ARL13B: variants seen among roughly 807,000 people sequenced by gnomAD.
The protein encoded by ARL13B is ADP-ribosylation factor-like protein 13B.
In ARL13B, 36 loss-of-function variants were observed where a neutral mutation model predicts 56.1. The observed-to-expected ratio is 0.64, with a 90% CI of 0.49 to 0.85. The LOEUF is 0.85. Ranked by LOEUF, ARL13B falls within the 40% of genes least tolerant of loss-of-function variation. ARL13B has a pLI of 0.00. For missense variants in ARL13B, 519 were observed against 507.1 expected, an observed-to-expected ratio of 1.02 and a Z score of -0.23; for synonymous variants, 178 against 171.1, an observed-to-expected ratio of 1.04 and a Z score of -0.32.
rs758522908 is a variant in ARL13B, at chr3:94,055,525, G to A, written c.*2262G>A. 2.2e-6 allele frequency: 1 copy of A among 453,948 alleles called. No homozygotes were observed. The highest frequency in any genetic ancestry group is 1.6e-5 in the South Asian group (1 of 64,474). The allele number at this position is 453,948 out of a possible 1,614,324, so 28.1% of individuals were successfully genotyped here. A position where few individuals can be genotyped will look rare whatever the true frequency, so the allele number is the denominator to read the frequency against. On this transcript the variant is annotated 3_prime_UTR_variant, in exon 10 of 10. Coordinates refer to ENST00000394222, the MANE Select transcript of ARL13B (RefSeq NM_001174150.2). The stretch of plus-strand genomic sequence containing the variant: ...ACCATATGATGTTAGAGGATTTGAT[G>A]TCTGTCTTGCGTTAAAGCTGTTGGT...
chr3:94,012,696 C>G (rs550588773), intron 3 of ARL13B, among the ~76,000 whole-genome samples: 1 of 152,132 alleles, frequency 6.6e-6, no homozygotes, highest in East Asian at 1.9e-4. Flanking sequence ...TAGGACATTG[C>G]GAATACTTTA....
chr3:94,012,940 C>A (rs182514039), intron 3 of ARL13B, among the ~76,000 whole-genome samples: 1 of 152,154 alleles, frequency 6.6e-6, no homozygotes, highest in Admixed American at 6.6e-5. Flanking sequence ...CTAGAAAAAT[C>A]TGAGATCCTT....
intron 3 of ARL13B, among the ~76,000 whole-genome samples, chr3:94,022,859 A>G (rs1327536836): frequency 6.6e-6 from 1 of 152,078 alleles, no homozygotes; most frequent in African/African-American, 2.4e-5. Context: ...ATTAATTACC[A>G]AAGTTTTTCA....
chr3:94,046,806 C>G (rs1298522770), intron 7 of ARL13B, among the ~76,000 whole-genome samples: 2 of 152,020 alleles, frequency 1.3e-5, no homozygotes, highest in Non-Finnish European at 2.9e-5. Context: ...AATGTCTTGT[C>G]AAATAGCCAT....
intron 1 of ARL13B, among the ~76,000 whole-genome samples, chr3:93,994,237 A>T (rs376225493): frequency 7.2e-5 from 11 of 152,026 alleles, no homozygotes; most frequent in African/African-American, 2.4e-4. Context: ...TGATTCTTGG[A>T]CCTTCCTGCA....
At chr3:94,014,847 G>A (rs1415635215) in intron 3 of ARL13B, 1 of 1,614,008 alleles carries the variant, frequency 6.2e-7, no homozygotes, top group Admixed American at 1.7e-5. Flanking sequence ...GAAAATGGCG[G>A]AACATTGCAG....
chr3:94,027,417 C>G (rs1301059566), intron 3 of ARL13B, among the ~76,000 whole-genome samples: 2 of 151,976 alleles, frequency 1.3e-5, no homozygotes, highest in African/African-American at 2.4e-5. Flanking sequence ...ATTGAATTAA[C>G]TTGTATAACA....
chr3:94,014,756 C>T, intron 3 of ARL13B: 1 of 1,613,526 alleles, frequency 6.2e-7, no homozygotes. Context: ...TTTCCAGCAA[C>T]TTCAAGCTGA....
At chr3:94,050,739 C>A in intron 8 of ARL13B, 85 bp from the exon 9 acceptor site, 2 of 1,127,130 alleles carry the variant, frequency 1.8e-6, no homozygotes, top group Non-Finnish European at 2.6e-6. Flanking sequence ...GTTACATATG[C>A]TTCCTTTCCA....
At chr3:94,006,979 G>T (rs1330069699) in intron 3 of ARL13B, among the ~76,000 whole-genome samples, 1 of 152,136 alleles carries the variant, frequency 6.6e-6, no homozygotes, top group Non-Finnish European at 1.5e-5. Context: ...AGAGTCAGGT[G>T]GCAGTTCTCT....
Position 94,054,131 on chromosome 3 carries a change from T to TC in ARL13B, c.*871dup. The TC allele has an allele frequency of 2.2e-6, 1 of 452,942 alleles. No homozygotes were observed. Among genetic ancestry groups the TC allele is most frequent in the South Asian group, 1.6e-5 (1 of 64,312 alleles). 28.1% of individuals were successfully genotyped at this position (452,942 alleles called of 1,614,324 possible). ...TCAGAGATCAAGGTGCTCCCTATAC[T>TC]CCCTTGTTCCATCAGAAGCTGCAGT... On this transcript the variant is annotated 3_prime_UTR_variant, in exon 10 of 10. Transcript: ENST00000394222.
Position 94,053,385 on chromosome 3 carries a change from GAGA to G in ARL13B, c.*126_*128del. ...GCAAGATAACCATAATAATTTTAGTGAGAAGATTAATACTCAAGGACCTGACTT... is the reference window on the plus strand; with the variant it reads ...GCAAGATAACCATAATAATTTTAGTGAGATTAATACTCAAGGACCTGACTT... On this transcript the variant is annotated 3_prime_UTR_variant, in exon 10 of 10. Transcript: ENST00000394222. 2.2e-6 allele frequency: 2 copies of G among 888,992 alleles called. No homozygotes were observed. Among genetic ancestry groups the G allele is most frequent in the Non-Finnish European group, 3.6e-6 (2 of 548,456 alleles). 55.1% of individuals were successfully genotyped at this position (888,992 alleles called of 1,614,324 possible). A position where few individuals can be genotyped will look rare whatever the true frequency, so the allele number is the denominator to read the frequency against.
chr3:94,012,940 C>G (rs182514039), intron 3 of ARL13B, among the ~76,000 whole-genome samples: 1 of 152,272 alleles, frequency 6.6e-6, no homozygotes, highest in African/African-American at 2.4e-5. Context: ...CTAGAAAAAT[C>G]TGAGATCCTT....
At chr3:94,051,239 A>G (rs1201847198) in intron 9 of ARL13B, among the ~76,000 whole-genome samples, 1 of 152,090 alleles carries the variant, frequency 6.6e-6, no homozygotes. Context: ...AAGTGTTAAA[A>G]GCTGTAGTTT....
At chr3:93,994,829 TA>T (rs1021471105) in intron 1 of ARL13B, among the ~76,000 whole-genome samples, 13 of 152,136 alleles carry the variant, frequency 8.5e-5, no homozygotes, top group African/African-American at 3.1e-4. Context: ...CTCTTGGATT[TA>T]CAAGTCTAAA....
chr3:94,016,179 A>G (rs34424617), intron 3 of ARL13B, among the ~76,000 whole-genome samples: 12,417 of 152,214 alleles, frequency 0.082, 630 homozygotes, highest in Middle Eastern at 0.19. Context: ...GTAAAATGCT[A>G]TTATCACAGA....
At chr3:93,998,157 C>G (rs975662918) in intron 2 of ARL13B, among the ~76,000 whole-genome samples, 1 of 152,116 alleles carries the variant, frequency 6.6e-6, no homozygotes, top group African/African-American at 2.4e-5. Flanking sequence ...GTGGGCCATA[C>G]AAAAACAAGT....
At chr3:94,016,833 G>A (rs1431515310) in intron 3 of ARL13B, among the ~76,000 whole-genome samples, 1 of 152,006 alleles carries the variant, frequency 6.6e-6, no homozygotes, top group African/African-American at 2.4e-5. Flanking sequence ...TTTTGGTAGA[G>A]ACAGGGTTTC....
At chr3:94,038,982 GTTA>G (rs1490892059) in intron 5 of ARL13B, among the ~76,000 whole-genome samples, 8 of 152,002 alleles carry the variant, frequency 5.3e-5, no homozygotes, top group African/African-American at 1.4e-4. Context: ...TATTATGGAA[GTTA>G]TTATCTAGTT....
Sources: gnomAD v4.1 joint callset for allele counts (sites outside exome capture counted in the v4.1 genomes callset) on GRCh38, gnomAD v4.1.1 for gene constraint, MANE v1.5 for transcripts, NCBI Gene and HGNC (gene_info 2026-07-23, HGNC 2026-07-21) for gene names.